Variants in ADGRD1 observed in about 807,000 individuals in gnomAD.
ADGRD1 encodes the protein G-protein coupled receptor 133.
Under a neutral mutation model 113.4 loss-of-function variants are expected in ADGRD1, and 77 were observed. The ratio of observed to expected loss-of-function variants is 0.68; its 90% CI spans 0.57 to 0.82. The LOEUF (loss-of-function observed/expected upper bound fraction) is 0.82, where lower values mean the gene tolerates loss of function less well. Ranked by LOEUF, ADGRD1 falls within the 40% of genes least tolerant of loss-of-function variation. The pLI is 0.00. For synonymous variants in ADGRD1, 474 were observed against 475.0 expected (o/e 1.00, Z 0.03); for missense variants, 1,036 against 1,139.1 (o/e 0.91, Z 1.30).
At chr12:131,056,266 T>C (rs1883850507) in intron 13 of ADGRD1, among the ~76,000 whole-genome samples, 1 of 152,248 alleles carries the variant, frequency 6.6e-6, no homozygotes, top group Admixed American at 6.5e-5. Context: ...TAGTTTACAA[T>C]CCAGGAGGAA....
At position 131,113,232 on chromosome 12, in the gene ADGRD1, T is replaced by G. The variant is rs1246032800; in HGVS notation, c.2041+4355T>G. Among the ~76,000 whole-genome samples the G allele has an allele frequency of 6.6e-6, 1 of 152,160 alleles. No homozygotes were observed. Among genetic ancestry groups the G allele is most frequent in the East Asian group, 1.9e-4 (1 of 5,150 alleles). On this transcript the variant is annotated intron_variant, in intron 18 of 24. Coordinates refer to ENST00000261654, the MANE Select transcript of ADGRD1 (RefSeq NM_198827.5). The surrounding 1 kb of genome is among the most constrained non-coding windows in gnomAD (Gnocchi z 4.9). ...AATTTGCTGTAAACCCTTAGGAAAATGTACAGAGACTTTAAATGATTATGT... is the reference window on the plus strand; with the variant it reads ...AATTTGCTGTAAACCCTTAGGAAAAGGTACAGAGACTTTAAATGATTATGT...
rs563251805 is a variant in ADGRD1, at chr12:131,120,469, G to A, written c.2109-378G>A. Among the ~76,000 whole-genome samples the A allele has an allele frequency of 2.0e-5, 3 of 152,282 alleles. No individual in the cohort carries two copies. In the South Asian group the frequency reaches 6.2e-4, roughly 32 times the overall value. On this transcript the variant is annotated intron_variant, in intron 19 of 24. Coordinates refer to ENST00000261654, the MANE Select transcript of ADGRD1 (RefSeq NM_198827.5). ...GCTTTGGGCATATGGGAATGGTCAG[G>A]TGCTGCATCGCTGACGACTCATCAG...
intron 9 of ADGRD1, chr12:131,002,681 A>G: frequency 2.6e-6 from 3 of 1,173,444 alleles, no homozygotes; most frequent in Non-Finnish European, 2.1e-6. Context: ...TTGGAGTAGA[A>G]GGCAAGCTCC....
chr12:130,970,974 CA>C (rs1331652606), intron 3 of ADGRD1: 5 of 152,500 alleles, frequency 3.3e-5, no homozygotes, highest in African/African-American at 7.2e-5. Flanking sequence ...TTCACGTTCA[CA>C]CTTGCACTGA....
At chr12:131,037,933 C>T (rs1881702071) in intron 13 of ADGRD1, among the ~76,000 whole-genome samples, 1 of 149,290 alleles carries the variant, frequency 6.7e-6, no homozygotes, top group East Asian at 2.0e-4. Context: ...GGATCTTACT[C>T]ACTGCATGGG....
chr12:131,014,846 T>C (rs1878372795), intron 13 of ADGRD1, among the ~76,000 whole-genome samples: 1 of 152,176 alleles, frequency 6.6e-6, no homozygotes, highest in Non-Finnish European at 1.5e-5. Flanking sequence ...TTTTTGCCAG[T>C]GAGTAGGACT....
chr12:131,008,521 G>A (rs12304605), intron 12 of ADGRD1, among the ~76,000 whole-genome samples: 9,646 of 152,276 alleles, frequency 0.063, 844 homozygotes, highest in African/African-American at 0.2. Flanking sequence ...TGGGCCGGAA[G>A]GAACTTTTGT....
At chr12:131,038,453 G>A (rs1881774076) in intron 13 of ADGRD1, among the ~76,000 whole-genome samples, 1 of 152,220 alleles carries the variant, frequency 6.6e-6, no homozygotes, top group African/African-American at 2.4e-5. Flanking sequence ...ACAAGGGAAC[G>A]AGCCCTGCTT....
rs965800381 is a variant in ADGRD1, at chr12:131,041,426, C to T, written c.1473+27086C>T. 2.0e-5 allele frequency among the ~76,000 whole-genome samples: 3 copies of T among 152,186 alleles called. No individual in the cohort carries two copies. The highest frequency in any genetic ancestry group is 4.4e-5 in the Non-Finnish European group (3 of 68,028). ...AAGCCTCGATGGGGAGCTGACCCAG[C>T]CACCTGAAGCGGCTTTTGCCTCCCA... On this transcript the variant is annotated intron_variant, in intron 13 of 24. Coordinates refer to ENST00000261654, the MANE Select transcript of ADGRD1 (RefSeq NM_198827.5). The surrounding 1 kb of genome is among the most constrained non-coding windows in gnomAD (Gnocchi z 4.4).
At chr12:131,042,716 C>T (rs577338250) in intron 13 of ADGRD1, among the ~76,000 whole-genome samples, 11 of 152,318 alleles carry the variant, frequency 7.2e-5, no homozygotes, top group South Asian at 2.1e-4. Context: ...AGGAGGGGGA[C>T]GCCGACCTCC....
intron 8 of ADGRD1, among the ~76,000 whole-genome samples, chr12:130,995,031 C>T (rs915964884): frequency 3.3e-4 from 50 of 152,250 alleles, no homozygotes; most frequent in African/African-American, 1.0e-3. Flanking sequence ...GGGTCTGTCT[C>T]GCACCTGACA....
chr12:130,981,953 G>A lies in ADGRD1; in HGVS notation c.380G>A (p.Gly127Glu). The change falls in exon 5 of 25, where the codon GGA (glycine) becomes GAA (glutamate). Residue 127 changes from glycine to glutamate, a missense_variant. Gly to Glu is a moderately conservative substitution (Grantham distance 98). Coordinates refer to ENST00000261654, the MANE Select transcript of ADGRD1 (RefSeq NM_198827.5). Reference protein sequence around the residue: ...QSRPIPSAYGGQVISNGFKVC... With the variant: ...QSRPIPSAYGEQVISNGFKVC... Reference sequence around the variant, plus strand: ...AGACCAATCCCTTCTGCGTATGGGGGACAGGTCATCTCCAATGGGTTCAAA... The same window carrying A: ...AGACCAATCCCTTCTGCGTATGGGGAACAGGTCATCTCCAATGGGTTCAAA... The A allele has an allele frequency of 6.2e-7, 1 of 1,613,720 alleles. No individual in the cohort carries two copies. The highest frequency in any genetic ancestry group is 8.5e-7 in the Non-Finnish European group (1 of 1,179,646).
At chr12:131,028,407 C>CT (rs1726169115) in intron 13 of ADGRD1, among the ~76,000 whole-genome samples, 1 of 152,062 alleles carries the variant, frequency 6.6e-6, no homozygotes, top group Admixed American at 6.6e-5. Context: ...TCCCTTTTGA[C>CT]TTCGATGGTG....
intron 17 of ADGRD1, among the ~76,000 whole-genome samples, chr12:131,106,649 C>T (rs1334859251): frequency 1.3e-5 from 2 of 152,172 alleles, no homozygotes; most frequent in East Asian, 1.9e-4. Context: ...CCATGCCTAG[C>T]GGGTCAGCAG....
intron 13 of ADGRD1, among the ~76,000 whole-genome samples, chr12:131,059,099 C>T (rs1235779802): frequency 6.6e-6 from 1 of 152,114 alleles, no homozygotes; most frequent in Non-Finnish European, 1.5e-5. Context: ...TGTTTTTCTT[C>T]AAATTATCCT....
intron 13 of ADGRD1, among the ~76,000 whole-genome samples, chr12:131,040,218 G>A (rs1440963418): frequency 6.6e-6 from 1 of 152,156 alleles, no homozygotes; most frequent in Non-Finnish European, 1.5e-5. Context: ...GAGGTGTTTT[G>A]TCAACCAGAC....
chr12:131,105,262 T>C (rs1331459795), intron 16 of ADGRD1, among the ~76,000 whole-genome samples: 1 of 152,220 alleles, frequency 6.6e-6, no homozygotes, highest in Non-Finnish European at 1.5e-5. Flanking sequence ...GGATGGGGGC[T>C]GGACAATAAC....
intron 13 of ADGRD1, among the ~76,000 whole-genome samples, chr12:131,067,024 C>T (rs1034648588): frequency 2.0e-5 from 3 of 152,192 alleles, no homozygotes; most frequent in African/African-American, 7.2e-5. Context: ...AGCAGGTAGA[C>T]GGGGCTGCCG....
intron 20 of ADGRD1, among the ~76,000 whole-genome samples, chr12:131,125,415 G>C (rs1950717270): frequency 6.6e-6 from 1 of 152,124 alleles, no homozygotes; most frequent in Non-Finnish European, 1.5e-5. Context: ...CTGGGGAAGA[G>C]AAGGAGTCTC....
Sources: gnomAD v4.1 joint callset for allele counts (sites outside exome capture counted in the v4.1 genomes callset) on GRCh38, gnomAD v4.1.1 for gene constraint, Gnocchi (gnomAD v3.1) non-coding constraint, MANE v1.5 for transcripts, NCBI Gene and HGNC (gene_info 2026-07-23, HGNC 2026-07-21) for gene names.